KCNIP1: variants seen among roughly 807,000 people sequenced by gnomAD.
KCNIP1 encodes the protein A-type potassium channel modulatory protein KCNIP1.
KCNIP1 carries 18 observed loss-of-function variants against 33.0 expected under a neutral mutation model. The ratio of observed to expected loss-of-function variants is 0.55; its 90% CI spans 0.38 to 0.81. KCNIP1 has a LOEUF of 0.81. Ranked by LOEUF, KCNIP1 falls within the 30% of genes least tolerant of loss-of-function variation. KCNIP1 has a pLI of 0.00. For synonymous variants in KCNIP1, 93 were observed against 98.3 expected, an observed-to-expected ratio of 0.95 and a Z score of 0.32; for missense variants, 238 against 271.6, an observed-to-expected ratio of 0.88 and a Z score of 0.87.
chr5:170,573,506 A>G (rs1227309857), intron 1 of KCNIP1, among the ~76,000 whole-genome samples: 1 of 152,220 alleles, frequency 6.6e-6, no homozygotes, highest in African/African-American at 2.4e-5. Flanking sequence ...TTACTATTTT[A>G]GGTTGTCTGT....
intron 1 of KCNIP1, among the ~76,000 whole-genome samples, chr5:170,648,510 A>C (rs574591244): frequency 6.6e-6 from 1 of 152,316 alleles, no homozygotes; most frequent in East Asian, 1.9e-4. Flanking sequence ...GCACATTACT[A>C]AGTGAAAAAA....
At chr5:170,734,503 T>C (rs1409726991) in intron 7 of KCNIP1, among the ~76,000 whole-genome samples, 1 of 152,174 alleles carries the variant, frequency 6.6e-6, no homozygotes, top group African/African-American at 2.4e-5. Context: ...TTTTCTCACA[T>C]TCTCCCCAGT....
chr5:170,535,586 C>A (rs1338185580), intron 1 of KCNIP1, among the ~76,000 whole-genome samples: 1 of 152,076 alleles, frequency 6.6e-6, no homozygotes, highest in Non-Finnish European at 1.5e-5. Context: ...TTTGTAAATC[C>A]AGCACCCCAC....
chr5:170,564,783 A>G (rs1412286638), intron 1 of KCNIP1, among the ~76,000 whole-genome samples: 1 of 152,158 alleles, frequency 6.6e-6, no homozygotes, highest in East Asian at 1.9e-4. Flanking sequence ...TTGCAGAACA[A>G]ACAGACAAAT....
chr5:170,583,542 C>G (rs947918841), intron 1 of KCNIP1, among the ~76,000 whole-genome samples: 30 of 152,208 alleles, frequency 2.0e-4, no homozygotes, highest in African/African-American at 7.0e-4. Context: ...TCCCCTCCTT[C>G]CCCTGGTTTA....
At chr5:170,588,190 A>T (rs1294836982) in intron 1 of KCNIP1, among the ~76,000 whole-genome samples, 1 of 152,300 alleles carries the variant, frequency 6.6e-6, no homozygotes, top group East Asian at 1.9e-4. Flanking sequence ...GTCCCCATGC[A>T]GTGCACTTTC....
At chr5:170,690,034 GC>G (rs1762668665) in intron 1 of KCNIP1, among the ~76,000 whole-genome samples, 1 of 152,152 alleles carries the variant, frequency 6.6e-6, no homozygotes, top group African/African-American at 2.4e-5. Context: ...GGGAGGAGGA[GC>G]TAACTCACAA....
upstream of KCNIP1, among the ~76,000 whole-genome samples, chr5:170,503,295 G>A (rs1369135648): frequency 6.6e-6 from 1 of 151,760 alleles, no homozygotes; most frequent in Non-Finnish European, 1.5e-5. Flanking sequence ...TCCGGAGGCT[G>A]AGGCAGGAGA....
chr5:170,461,795 G>A (rs1191143951), intron 1 of KCNIP1, among the ~76,000 whole-genome samples: 3 of 150,082 alleles, frequency 2.0e-5, no homozygotes, highest in Admixed American at 6.6e-5. Context: ...AAGAGAGAAC[G>A]CAGAAATAAA....
At chr5:170,597,265 T>C (rs1758471346) in intron 1 of KCNIP1, among the ~76,000 whole-genome samples, 2 of 152,124 alleles carry the variant, frequency 1.3e-5, no homozygotes, top group Non-Finnish European at 2.9e-5. Context: ...ATCCTATGAC[T>C]CAAACCAAAG....
intron 5 of KCNIP1, 117 bp from the exon 6 acceptor site, chr5:170,732,683 A>T (rs1764245932): frequency 1.5e-6 from 1 of 666,462 alleles, no homozygotes; most frequent in Non-Finnish European, 2.7e-6. Flanking sequence ...CTAAAGAAGG[A>T]CCTCACCTTT....
At chr5:170,668,923 T>C (rs1193535871) in intron 1 of KCNIP1, among the ~76,000 whole-genome samples, 1 of 152,158 alleles carries the variant, frequency 6.6e-6, no homozygotes. Context: ...AGTGGGTCCT[T>C]CTGTAGGAAT....
intron 1 of KCNIP1, among the ~76,000 whole-genome samples, chr5:170,478,174 C>T (rs75255768): frequency 0.015 from 2,327 of 152,122 alleles, 50 homozygotes; most frequent in East Asian, 0.052. Context: ...AGGCCTGGGG[C>T]GGGAAGGGGC....
rs192816303 is a variant in KCNIP1, at chr5:170,391,081, C to T, written c.88+37117C>T. Among the ~76,000 whole-genome samples the T allele has an allele frequency of 3.3e-3, 498 of 152,278 alleles. 4 individuals carry two copies. Among genetic ancestry groups the T allele is most frequent in the African/African-American group, 0.012 (479 of 41,558 alleles). On this transcript the variant is annotated intron_variant, in intron 1 of 7. Transcript: ENST00000377360. ...CAGAGGGTCTAAGACCAGCTTCAGA[C>T]CTTGCAGGCAGATTGACAGAGGGAT...
At chr5:170,634,504 G>A (rs969207518) in intron 1 of KCNIP1, among the ~76,000 whole-genome samples, 2 of 152,216 alleles carry the variant, frequency 1.3e-5, no homozygotes, top group Non-Finnish European at 2.9e-5. Context: ...TAGGCAACTG[G>A]ATGTTTGAGG....
At chr5:170,492,691 C>A (rs73313406) in intron 1 of KCNIP1, among the ~76,000 whole-genome samples, 82 of 152,260 alleles carry the variant, frequency 5.4e-4, no homozygotes, top group African/African-American at 1.6e-3. Flanking sequence ...CCTCATCACT[C>A]GGGAAACTCC....
At chr5:170,604,374 C>T (rs1758814348) in intron 1 of KCNIP1, among the ~76,000 whole-genome samples, 2 of 152,054 alleles carry the variant, frequency 1.3e-5, no homozygotes, top group South Asian at 4.1e-4. Flanking sequence ...ATGGGGACAG[C>T]GGTGTATGTT....
At chr5:170,519,210 G>A (rs1755265166) in intron 1 of KCNIP1, among the ~76,000 whole-genome samples, 1 of 152,150 alleles carries the variant, frequency 6.6e-6, no homozygotes, top group Non-Finnish European at 1.5e-5. Flanking sequence ...GCTGATATAT[G>A]GGTCAATAAT....
chr5:170,503,098 T>C (rs1757449199), upstream of KCNIP1, among the ~76,000 whole-genome samples: 1 of 151,498 alleles, frequency 6.6e-6, no homozygotes. Context: ...AACAGAAAAA[T>C]GAGAGAGCAG....
Sources: gnomAD v4.1 joint callset for allele counts (sites outside exome capture counted in the v4.1 genomes callset) on GRCh38, gnomAD v4.1.1 for gene constraint, MANE v1.5 for transcripts, NCBI Gene and HGNC (gene_info 2026-07-23, HGNC 2026-07-21) for gene names.